TAF1: variants seen among roughly 807,000 people sequenced by gnomAD.
TAF1 encodes transcription initiation factor TFIID subunit 1.
TAF1 carries 2 observed loss-of-function variants against 138.5 expected under a neutral mutation model. The observed-to-expected ratio is 0.01, with a 90% confidence interval of 0.01 to 0.05. The LOEUF is 0.05. TAF1 is among the 10% of genes least tolerant of loss of function. The pLI is 1.00. For missense variants in TAF1, 709 were observed against 1,478.0 expected, an observed-to-expected ratio of 0.48 and a Z score of 8.53; for synonymous variants, 437 against 503.2, an observed-to-expected ratio of 0.87 and a Z score of 1.76.
At chrX:71,516,685 G>A (rs2039831942) in intron 13 of TAF1, among the ~76,000 whole-genome samples, 1 of 105,703 alleles carries the variant, frequency 9.5e-6, no homozygotes, top group Non-Finnish European at 1.9e-5. Flanking sequence ...ATTTTATGTT[G>A]TGGGATTTTT....
At chrX:71,370,335 A>T (rs1384039004) in intron 3 of TAF1, among the ~76,000 whole-genome samples, 2 of 110,598 alleles carry the variant, frequency 1.8e-5, no homozygotes, top group Non-Finnish European at 3.8e-5. Flanking sequence ...TCTACCTCTC[A>T]CTGCTTGAGA....
At chrX:71,440,137 T>C (rs774942846) in intron 32 of TAF1, among the ~76,000 whole-genome samples, 1 of 111,687 alleles carries the variant, frequency 9.0e-6, no homozygotes, top group African/African-American at 3.3e-5. Flanking sequence ...GTTCCACTTA[T>C]CCGTTCTCCA....
At chrX:71,442,799 A>C (rs1368360819) in intron 32 of TAF1, among the ~76,000 whole-genome samples, 1 of 112,040 alleles carries the variant, frequency 8.9e-6, no homozygotes, top group Non-Finnish European at 1.9e-5. Flanking sequence ...TTTTAGGTCT[A>C]ACATTTAAGT....
chrX:71,379,099 G>C, intron 8 of TAF1, 68 bp downstream of exon 8: 1 of 789,741 alleles, frequency 1.3e-6, no homozygotes, highest in Non-Finnish European at 1.7e-6. Flanking sequence ...AGTGGGCTCA[G>C]CTGTGATTTT....
At chrX:71,453,435 G>A (rs1485153207) in intron 32 of TAF1, among the ~76,000 whole-genome samples, 1 of 92,426 alleles carries the variant, frequency 1.1e-5, no homozygotes, top group Non-Finnish European at 2.1e-5. Flanking sequence ...GCATGGTGGT[G>A]CATGCCTGCA....
rs752908244 is a variant in TAF1 at position 71,407,662 on chromosome X, A to T, written c.4196A>T (p.Asp1399Val). 2.5e-6 allele frequency: 3 copies of T among 1,208,874 alleles called. No homozygotes were observed. The highest frequency in any genetic ancestry group is 3.4e-6 in the Non-Finnish European group (3 of 893,073). ...ILESIINDMR[D>V]LPNTYPFHTP... ...GAGTCTATCATCAATGACATGAGAG[A>T]TCTTCCAAATGTGAGTTCATTGCAT... Residue 1399 changes from aspartate (D) to valine (V), a missense_variant, in exon 27 of 38, where the codon GAT becomes GTT. Asp to Val is a radical substitution (Grantham distance 152). Around this residue, in one of 14 missense-constraint regions of TAF1, gnomAD observed 63 missense variants for 163.3 expected, o/e 0.39. Transcript: ENST00000423759.
intron 18 of TAF1, 169 bp downstream of exon 18, chrX:71,389,834 A>G (rs769372419): frequency 8.2e-6 from 3 of 363,894 alleles, no homozygotes; most frequent in East Asian, 9.8e-5. Flanking sequence ...ATCAAATATT[A>G]TATTTTATAT....
At chrX:71,508,358 G>A (rs904091378) in intron 13 of TAF1, among the ~76,000 whole-genome samples, 2 of 109,413 alleles carry the variant, frequency 1.8e-5, no homozygotes, top group Non-Finnish European at 3.8e-5. Context: ...GGGAGGCTGA[G>A]GTGGGAGGAT....
chrX:71,379,506 C>T (rs2033722838), intron 8 of TAF1, among the ~76,000 whole-genome samples: 1 of 109,910 alleles, frequency 9.1e-6, no homozygotes, highest in Non-Finnish European at 1.9e-5. Flanking sequence ...TATTTTTATG[C>T]TCAACCTGGA....
intron 24 of TAF1, among the ~76,000 whole-genome samples, chrX:71,400,584 G>A: frequency 8.9e-6 from 1 of 111,913 alleles, no homozygotes. Context: ...GGCAGTTGTG[G>A]TACAGTGGAA....
At chrX:71,517,652 C>G (rs1027463701) in intron 13 of TAF1, among the ~76,000 whole-genome samples, 1 of 111,969 alleles carries the variant, frequency 8.9e-6, no homozygotes, top group Non-Finnish European at 1.9e-5. Flanking sequence ...GACCTTTAGC[C>G]TCATATGAGT....
rs1019871329 is a variant in TAF1 at position 71,514,875 on chromosome X, T to C, written c.1367-13667T>C. On this transcript the variant is annotated intron_variant and NMD_transcript_variant, in intron 13 of 14. Transcript: ENST00000373775. ...GGGAGGAGACTGGGAAAAGGCATGG[T>C]TGGAAGTGTGAAACAGCCTGATCTT... 3.6e-5 allele frequency among the ~76,000 whole-genome samples: 4 copies of C among 110,983 alleles called. No homozygotes were observed. In the Admixed American group the frequency reaches 3.9e-4, roughly 11 times the overall value.
chrX:71,427,145 T>C (rs1476634497), intron 32 of TAF1, among the ~76,000 whole-genome samples: 1 of 111,960 alleles, frequency 8.9e-6, no homozygotes, highest in Non-Finnish European at 1.9e-5. Flanking sequence ...TTCAATATCA[T>C]GGAAGAATGA....
rs1474675862 is a variant in TAF1 at position 71,384,469 on chromosome X, G to A, written c.2121+334G>A. Among the ~76,000 whole-genome samples, 10 of 107,480 alleles carry A rather than the reference G, an allele frequency of 9.3e-5. No individual in the cohort carries two copies. In the East Asian group the frequency reaches 2.4e-3, roughly 25 times the overall value. 93.3% of individuals were successfully genotyped at this position (107,480 alleles called of 115,157 possible). A position where few individuals can be genotyped will look rare whatever the true frequency, so the allele number is the denominator to read the frequency against. On this transcript the variant is annotated intron_variant, in intron 13 of 37. Transcript: ENST00000423759. ...CTCTTTTGCCAGGCTGGAGTGCAGT[G>A]GCATGATCTCCACTCACTGCAACCT...
chrX:71,508,086 C>CTCTCTCTCTCTCTCTCTA (rs4040068), intron 13 of TAF1, among the ~76,000 whole-genome samples: 2 of 92,179 alleles, frequency 2.2e-5, no homozygotes, highest in Non-Finnish European at 4.2e-5. Context: ...CTCTCTCTCT[C>CTCTCTCTCTCTCTCTCTA]TATATATATA....
At chrX:71,405,325 A>G (rs1446999848) in intron 25 of TAF1, among the ~76,000 whole-genome samples, 1 of 110,666 alleles carries the variant, frequency 9.0e-6, no homozygotes, top group Non-Finnish European at 1.9e-5. Context: ...ATACAGTTAC[A>G]GTCATTTATG....
intron 12 of TAF1, 57 bp from the exon 13 acceptor site, chrX:71,383,905 A>G: frequency 9.0e-7 from 1 of 1,115,817 alleles, no homozygotes; most frequent in Non-Finnish European, 1.2e-6. Flanking sequence ...GAACAACGTC[A>G]TTGTGTGTAG....
Position 71,449,322 on chromosome X carries a change from T to C in TAF1, c.4754-4848T>C, listed in dbSNP as rs193148229. Among the ~76,000 whole-genome samples the C allele has an allele frequency of 6.3e-5, 7 of 111,213 alleles. No individual in the cohort carries two copies. The South Asian group carries it at 1.1e-3, about 18-fold the overall frequency. The stretch of plus-strand genomic sequence containing the variant: ...GTATTTTTAGTAGAGACGGGGTTTC[T>C]CCATGTTGGTCAGGCTGGTCTCAAA... On this transcript the variant is annotated intron_variant, in intron 32 of 37. Coordinates refer to ENST00000423759, the MANE Select transcript of TAF1 (RefSeq NM_004606.5).
Position 71,385,044 on chromosome X carries a change from C to T in TAF1, c.2221C>T (p.Leu741=). The change falls in exon 14 of 38, where the codon CTG becomes TTG. Residue 741 remains leucine, a synonymous_variant. Transcript: ENST00000423759. ...GGGTTCTCTCCATCCTGGCCAATTGCTGCAAGTGAGGAATTCTTTCCTGTT... is the reference window on the plus strand; with the variant it reads ...GGGTTCTCTCCATCCTGGCCAATTGTTGCAAGTGAGGAATTCTTTCCTGTT... ...FLGSLHPGQL[L]QAFENNLFRA... 1 of 1,197,162 alleles carries T rather than the reference C, an allele frequency of 8.4e-7. No individual in the cohort carries two copies. The highest frequency in any genetic ancestry group is 1.1e-6 in the Non-Finnish European group (1 of 884,970).
Sources: allele counts gnomAD v4.1 joint callset (sites outside exome capture counted in the v4.1 genomes callset), GRCh38; gene constraint gnomAD v4.1.1; regional missense constraint gnomAD v4.1.1; transcripts MANE v1.5; gene names NCBI Gene and HGNC (gene_info 2026-07-23, HGNC 2026-07-21).